AUTS2: variants seen among roughly 807,000 people sequenced by gnomAD.
AUTS2 encodes autism susceptibility gene 2 protein.
A neutral mutation model predicts 112.4 loss-of-function variants in AUTS2; 17 were observed. The observed-to-expected ratio is 0.15, with a 90% CI of 0.10 to 0.23. The LOEUF is 0.23. AUTS2 is among the 10% of genes least tolerant of loss of function. The pLI, the probability that AUTS2 is intolerant of heterozygous loss-of-function variation, is 1.00. For synonymous variants in AUTS2, 751 were observed against 702.7 expected (o/e 1.07, Z -1.09); for missense variants, 1,510 against 1,701.6 (o/e 0.89, Z 1.98).
chr7:69,960,710 C>T (rs958545112), intron 2 of AUTS2, among the ~76,000 whole-genome samples: 2 of 152,188 alleles, frequency 1.3e-5, no homozygotes, highest in South Asian at 4.1e-4. Flanking sequence ...TCACCATTTC[C>T]GTTATCTTAT....
intron 4 of AUTS2, among the ~76,000 whole-genome samples, chr7:70,242,461 C>T (rs927815277): frequency 6.6e-6 from 1 of 152,174 alleles, no homozygotes; most frequent in Non-Finnish European, 1.5e-5. Flanking sequence ...CTGTATTCTA[C>T]TTTTGGGTGT....
intron 4 of AUTS2, among the ~76,000 whole-genome samples, chr7:70,329,006 A>T (rs1790621885): frequency 6.6e-6 from 1 of 151,942 alleles, no homozygotes; most frequent in African/African-American, 2.4e-5. Flanking sequence ...GCCTCTTCAG[A>T]TTTATCTATT....
intron 1 of AUTS2, among the ~76,000 whole-genome samples, chr7:69,772,471 C>T (rs1037561590): frequency 1.3e-5 from 2 of 152,154 alleles, no homozygotes. Flanking sequence ...GATAGGGTCT[C>T]GCTGTATTGC....
chr7:69,987,930 A>G (rs1213168144), intron 2 of AUTS2, among the ~76,000 whole-genome samples: 2 of 152,178 alleles, frequency 1.3e-5, no homozygotes, highest in Non-Finnish European at 2.9e-5. Context: ...ACTGTTCTTC[A>G]AACCAAAATG....
chr7:70,462,150 G>C (rs1449969568), intron 5 of AUTS2, among the ~76,000 whole-genome samples: 1 of 152,140 alleles, frequency 6.6e-6, no homozygotes, highest in East Asian at 1.9e-4. Context: ...TACTCAGGAG[G>C]CTGAGGCGGG....
At chr7:70,028,452 A>G (rs1800625137) in intron 2 of AUTS2, among the ~76,000 whole-genome samples, 1 of 152,130 alleles carries the variant, frequency 6.6e-6, no homozygotes, top group East Asian at 1.9e-4. Context: ...AGATCATTCT[A>G]TGTTTTAAGT....
intron 1 of AUTS2, among the ~76,000 whole-genome samples, chr7:69,818,565 A>G (rs906559249): frequency 1.3e-5 from 2 of 152,204 alleles, no homozygotes; most frequent in African/African-American, 4.8e-5. Context: ...CTTTTAATCT[A>G]TGCAATAATG....
At chr7:70,282,611 A>G (rs1584970535) in intron 4 of AUTS2, among the ~76,000 whole-genome samples, 1 of 152,160 alleles carries the variant, frequency 6.6e-6, no homozygotes, top group East Asian at 1.9e-4. Flanking sequence ...CCCACCTCCT[A>G]ATACCATCAC....
chr7:70,053,736 G>A (rs1456616177), intron 2 of AUTS2, among the ~76,000 whole-genome samples: 5 of 151,978 alleles, frequency 3.3e-5, no homozygotes, highest in African/African-American at 1.2e-4. Context: ...TAAAGACAGG[G>A]TCTCTACTAT....
chr7:70,511,561 C>CTTTTTTT lies in AUTS2; in HGVS notation c.690+75803_690+75809dup, dbSNP rs3974587. ...TTCATTTTAAACTTTTTTTCATTTT[C>CTTTTTTT]TTTTTTTTTTTTTTTTTTTTTTTTT... On this transcript the variant is annotated intron_variant, in intron 5 of 18. Transcript: ENST00000342771. Among the ~76,000 whole-genome samples, 311 of 70,136 alleles carry CTTTTTTT rather than the reference C, an allele frequency of 4.4e-3. 19 individuals are homozygous for CTTTTTTT. Among genetic ancestry groups the CTTTTTTT allele is most frequent in the East Asian group, 5.4e-3 (13 of 2,400 alleles). 46.0% of individuals were successfully genotyped at this position (70,136 alleles called of 152,430 possible).
chr7:69,821,798 C>T (rs956194655), intron 1 of AUTS2, among the ~76,000 whole-genome samples: 1 of 151,868 alleles, frequency 6.6e-6, no homozygotes, highest in Middle Eastern at 3.4e-3. Context: ...TGGACACAGT[C>T]CAAGCTACTC....
chr7:70,384,212 G>A (rs1171998648), intron 4 of AUTS2, among the ~76,000 whole-genome samples: 2 of 152,142 alleles, frequency 1.3e-5, no homozygotes, highest in Admixed American at 6.5e-5. Flanking sequence ...GTGGGGGGAC[G>A]TTTTCTTAGC....
At chr7:70,739,718 G>A (rs749019835) in intron 6 of AUTS2, among the ~76,000 whole-genome samples, 10 of 151,008 alleles carry the variant, frequency 6.6e-5, no homozygotes, top group African/African-American at 2.2e-4. Context: ...GTAGCTTCCC[G>A]GCCACGTGGT....
chr7:70,287,558 T>G (rs1788518115), intron 4 of AUTS2, among the ~76,000 whole-genome samples: 1 of 152,224 alleles, frequency 6.6e-6, no homozygotes, highest in East Asian at 1.9e-4. Context: ...AGAGCGTTGC[T>G]GACCACCTTC....
At chr7:69,919,183 C>T (rs889531601) in intron 2 of AUTS2, among the ~76,000 whole-genome samples, 2 of 152,174 alleles carry the variant, frequency 1.3e-5, no homozygotes, top group Admixed American at 6.5e-5. Context: ...AACACTTTTA[C>T]ATTACTGAGA....
chr7:70,666,214 G>A (rs773136157), intron 5 of AUTS2, among the ~76,000 whole-genome samples: 7 of 152,276 alleles, frequency 4.6e-5, no homozygotes, highest in Non-Finnish European at 1.0e-4. Context: ...CTGCAAAATG[G>A]GAATAATGAT....
chr7:70,173,890 T>C (rs926217280), intron 4 of AUTS2, among the ~76,000 whole-genome samples: 5 of 152,174 alleles, frequency 3.3e-5, no homozygotes, highest in Non-Finnish European at 7.3e-5. Flanking sequence ...TCTCCTTCCC[T>C]GGCCTTCCTA....
At chr7:70,433,562 T>A (rs1264031672) in intron 4 of AUTS2, among the ~76,000 whole-genome samples, 1 of 152,186 alleles carries the variant, frequency 6.6e-6, no homozygotes, top group African/African-American at 2.4e-5. Flanking sequence ...TCATCCAATT[T>A]CTTTCTCAAC....
chr7:70,056,877 T>A (rs1476953735), intron 2 of AUTS2, among the ~76,000 whole-genome samples: 2 of 152,226 alleles, frequency 1.3e-5, no homozygotes, highest in Non-Finnish European at 2.9e-5. Context: ...GTGCTCTTGC[T>A]GAGAATAGGG....
Sources: gnomAD v4.1 joint callset for allele counts (sites outside exome capture counted in the v4.1 genomes callset) on GRCh38, gnomAD v4.1.1 for gene constraint, MANE v1.5 for transcripts, NCBI Gene and HGNC (gene_info 2026-07-23, HGNC 2026-07-21) for gene names.